Variants in NPAS3 observed in about 807,000 individuals in gnomAD.
NPAS3 encodes neuronal PAS domain protein 3.
NPAS3 carries 14 observed loss-of-function variants against 73.1 expected under a neutral mutation model. The observed-to-expected ratio is 0.19, with a 90% CI of 0.13 to 0.30. NPAS3 has a LOEUF of 0.30. Ranked by LOEUF, NPAS3 falls within the 10% of genes least tolerant of loss-of-function variation. The pLI is 1.00. For missense variants in NPAS3, 1,096 were observed against 1,250.0 expected (o/e 0.88, Z 1.86); for synonymous variants, 620 against 541.5 (o/e 1.14, Z -2.01).
chr14:33,680,330 T>C (rs1350547479), intron 6 of NPAS3, among the ~76,000 whole-genome samples: 1 of 152,190 alleles, frequency 6.6e-6, no homozygotes. Context: ...GCTGTAAAAG[T>C]GTTGTGTTTT....
intron 1 of NPAS3, among the ~76,000 whole-genome samples, chr14:32,962,861 C>G (rs1336639844): frequency 6.7e-6 from 1 of 149,906 alleles, no homozygotes; most frequent in African/African-American, 2.4e-5. Context: ...CCACACCTGG[C>G]CAGGGGTAGT....
chr14:33,120,013 T>C (rs1438522045), intron 2 of NPAS3, among the ~76,000 whole-genome samples: 2 of 63,776 alleles, frequency 3.1e-5, no homozygotes, highest in Admixed American at 2.5e-4. Context: ...AGATACTTTG[T>C]TTTTTTTTTG....
At chr14:33,688,812 G>A (rs1214962178) in intron 6 of NPAS3, among the ~76,000 whole-genome samples, 1 of 152,156 alleles carries the variant, frequency 6.6e-6, no homozygotes, top group Non-Finnish European at 1.5e-5. Context: ...GAAGTCTCTG[G>A]TTTTTCCATC....
At chr14:33,421,222 C>A (rs1285766200) in intron 4 of NPAS3, among the ~76,000 whole-genome samples, 1 of 149,930 alleles carries the variant, frequency 6.7e-6, no homozygotes, top group Non-Finnish European at 1.5e-5. Flanking sequence ...TGTGACTTAT[C>A]ATTGTTGTCT....
chr14:32,948,589 C>G (rs910945435), intron 1 of NPAS3, among the ~76,000 whole-genome samples: 4 of 152,212 alleles, frequency 2.6e-5, no homozygotes, highest in African/African-American at 9.6e-5. Context: ...GTTTTTGCCT[C>G]TCTCCTGTGC....
At chr14:33,640,133 C>G (rs1301102311) in intron 5 of NPAS3, among the ~76,000 whole-genome samples, 1 of 152,014 alleles carries the variant, frequency 6.6e-6, no homozygotes, top group Non-Finnish European at 1.5e-5. Flanking sequence ...AGAAGAATCA[C>G]TTGAACCCAG....
downstream of NPAS3, chr14:33,801,156 T>TC: frequency 6.5e-7 from 1 of 1,536,184 alleles, no homozygotes; most frequent in Non-Finnish European, 8.7e-7. Flanking sequence ...GGAGGAGGCA[T>TC]CGTCGGCATT....
chr14:33,283,774 C>T (rs1271332846), intron 3 of NPAS3, among the ~76,000 whole-genome samples: 4 of 152,080 alleles, frequency 2.6e-5, no homozygotes, highest in Non-Finnish European at 4.4e-5. Flanking sequence ...TTGTGCTTAC[C>T]GTAAGAAAGT....
At chr14:33,298,743 G>A (rs2042407487) in intron 3 of NPAS3, among the ~76,000 whole-genome samples, 1 of 152,030 alleles carries the variant, frequency 6.6e-6, no homozygotes, top group African/African-American at 2.4e-5. Context: ...TAATAAAAAA[G>A]TGATATTTGA....
chr14:33,578,244 A>G lies in NPAS3; in HGVS notation c.558+18034A>G, dbSNP rs1423552087. 4 of 455,690 alleles carry G rather than the reference A, an allele frequency of 8.8e-6. No individual in the cohort carries two copies. In the East Asian group the frequency reaches 2.8e-4, roughly 32 times the overall value. The allele number at this position is 455,690 out of a possible 1,614,324, so 28.2% of individuals were successfully genotyped here. On this transcript the variant is annotated intron_variant, in intron 5 of 11. Transcript: ENST00000356141. ...GTTTTACTCTTGTTGCCCAGGCTGG[A>G]GTGCAATGACGCGATCTCAGCTCAC...
chr14:33,717,326 A>C (rs1430109965), intron 6 of NPAS3, among the ~76,000 whole-genome samples: 1 of 151,962 alleles, frequency 6.6e-6, no homozygotes, highest in African/African-American at 2.4e-5. Context: ...ACATAGGCAC[A>C]ATGATTCCTT....
intron 2 of NPAS3, among the ~76,000 whole-genome samples, chr14:33,155,252 G>A (rs1595565077): frequency 1.3e-5 from 2 of 152,302 alleles, no homozygotes; most frequent in East Asian, 3.9e-4. Context: ...CTTTTGTGTT[G>A]ATGGGAGAAT....
intron 4 of NPAS3, among the ~76,000 whole-genome samples, chr14:33,420,793 T>A (rs2048333571): frequency 6.6e-6 from 1 of 151,928 alleles, no homozygotes. Context: ...AATGTGAAAA[T>A]CAGAGCCCAT....
chr14:33,748,081 A>G (rs902131904), intron 7 of NPAS3, among the ~76,000 whole-genome samples: 2 of 152,244 alleles, frequency 1.3e-5, no homozygotes, highest in Non-Finnish European at 2.9e-5. Flanking sequence ...CACACAGTAG[A>G]AATTCAATAT....
chr14:33,746,422 C>G (rs1294652333), intron 7 of NPAS3, among the ~76,000 whole-genome samples: 1 of 151,344 alleles, frequency 6.6e-6, no homozygotes, highest in Non-Finnish European at 1.5e-5. Context: ...CTCCTGACCT[C>G]ATGATCCGCC....
intron 3 of NPAS3, among the ~76,000 whole-genome samples, chr14:33,277,501 T>C (rs1307244841): frequency 6.6e-6 from 1 of 152,114 alleles, no homozygotes; most frequent in Admixed American, 6.6e-5. Context: ...ATATGTGATA[T>C]TAGGGAAAGT....
At chr14:33,046,003 C>G (rs2040494177) in intron 1 of NPAS3, among the ~76,000 whole-genome samples, 1 of 151,990 alleles carries the variant, frequency 6.6e-6, no homozygotes, top group Non-Finnish European at 1.5e-5. Flanking sequence ...AGCAGAACCT[C>G]GACTAGAGTT....
intron 5 of NPAS3, among the ~76,000 whole-genome samples, chr14:33,602,597 C>T (rs1375124941): frequency 1.3e-5 from 2 of 152,330 alleles, no homozygotes; most frequent in African/African-American, 2.4e-5. Context: ...TGAAGCTGAC[C>T]TTGCTCTGCC....
At chr14:33,481,951 C>A (rs1186585660) in intron 4 of NPAS3, among the ~76,000 whole-genome samples, 1 of 151,192 alleles carries the variant, frequency 6.6e-6, no homozygotes, top group African/African-American at 2.4e-5. Context: ...ATAAAAGATA[C>A]CAGTGTAGGT....
Sources: allele counts gnomAD v4.1 joint callset (sites outside exome capture counted in the v4.1 genomes callset), GRCh38; gene constraint gnomAD v4.1.1; transcripts MANE v1.5; gene names NCBI Gene and HGNC (gene_info 2026-07-23, HGNC 2026-07-21).